Variants in VDAC1 observed in about 807,000 individuals in gnomAD.
The protein encoded by VDAC1 is non-selective voltage-gated ion channel VDAC1.
VDAC1 carries 10 observed loss-of-function variants against 34.7 expected under a neutral mutation model. The ratio of observed to expected loss-of-function variants is 0.29; its 90% CI spans 0.18 to 0.49. The LOEUF is 0.49. Ranked by LOEUF, VDAC1 falls within the 20% of genes least tolerant of loss-of-function variation. VDAC1 has a pLI of 0.99. For synonymous variants in VDAC1, 130 were observed against 136.0 expected, an observed-to-expected ratio of 0.96 and a Z score of 0.30; for missense variants, 230 against 347.9, an observed-to-expected ratio of 0.66 and a Z score of 2.69.
At chr5:134,060,128 A>C in the VDAC1 span, among the ~76,000 whole-genome samples, 1 of 151,902 alleles carries the variant, frequency 6.6e-6, no homozygotes, top group Non-Finnish European at 1.5e-5. Context: ...TAATGAGCAC[A>C]TGTTGGGCAC....
the VDAC1 span, among the ~76,000 whole-genome samples, chr5:134,102,676 T>G: frequency 2.6e-5 from 4 of 152,090 alleles, no homozygotes; most frequent in Non-Finnish European, 4.4e-5. Flanking sequence ...CTCAAAAAAA[T>G]AAAATAAAAT....
At chr5:134,062,529 C>T in the VDAC1 span, among the ~76,000 whole-genome samples, 1 of 151,528 alleles carries the variant, frequency 6.6e-6, no homozygotes, top group Non-Finnish European at 1.5e-5. Context: ...CTCATATTGC[C>T]CTTGACCAAA....
At chr5:134,033,432 A>T in the VDAC1 span, among the ~76,000 whole-genome samples, 1 of 151,772 alleles carries the variant, frequency 6.6e-6, no homozygotes, top group African/African-American at 2.4e-5. Flanking sequence ...CTGGGATTAC[A>T]GGCATGAGCC....
intron 6 of VDAC1, among the ~76,000 whole-genome samples, chr5:133,976,937 G>T (rs947657570): frequency 2.0e-5 from 3 of 152,020 alleles, no homozygotes; most frequent in Non-Finnish European, 4.4e-5. Context: ...CCAGCAACCT[G>T]GGGGGGTGAG....
chr5:134,076,600 C>T, the VDAC1 span, among the ~76,000 whole-genome samples: 1 of 152,188 alleles, frequency 6.6e-6, no homozygotes, highest in Non-Finnish European at 1.5e-5. Flanking sequence ...GTGGTGTGTG[C>T]AAGGGACTCC....
At chr5:134,026,516 GAAAAAAAA>G in the VDAC1 span, among the ~76,000 whole-genome samples, 5 of 72,334 alleles carry the variant, frequency 6.9e-5, no homozygotes, top group Non-Finnish European at 1.3e-4. Flanking sequence ...CTCCGTCTCA[GAAAAAAAA>G]AAAAAAAAAA....
the VDAC1 span, among the ~76,000 whole-genome samples, chr5:134,065,817 G>A: frequency 4.2e-5 from 4 of 95,598 alleles, no homozygotes; most frequent in East Asian, 3.2e-4. Context: ...TTTTTGAGAC[G>A]GGGTTTCACT....
At chr5:134,099,655 G>T in the VDAC1 span, among the ~76,000 whole-genome samples, 1 of 152,134 alleles carries the variant, frequency 6.6e-6, no homozygotes, top group African/African-American at 2.4e-5. Context: ...ATCACAACAC[G>T]CAGCAGCGTT....
chr5:134,034,431 T>C, the VDAC1 span, among the ~76,000 whole-genome samples: 3 of 152,018 alleles, frequency 2.0e-5, no homozygotes, highest in Admixed American at 6.6e-5. Flanking sequence ...CAGTGTTCTC[T>C]GGAGAGAAAG....
At chr5:134,032,334 ATG>A in the VDAC1 span, among the ~76,000 whole-genome samples, 2 of 152,178 alleles carry the variant, frequency 1.3e-5, no homozygotes, top group South Asian at 4.2e-4. Flanking sequence ...AAGACAATGA[ATG>A]TGTGTGGTTT....
In VDAC1 at chr5:133,992,927, C is replaced by A. The variant is rs1580724462; in HGVS notation, c.67+19G>T. On this transcript the variant is annotated intron_variant, in intron 2 of 8. Coordinates refer to ENST00000265333, the MANE Select transcript of VDAC1 (RefSeq NM_003374.3). ...CTCAGTCTGTGAGCTGAAAGGCACCCCCTCTCTGCAACACTCACCATAGCC... is the reference window on the plus strand; with the variant it reads ...CTCAGTCTGTGAGCTGAAAGGCACCACCTCTCTGCAACACTCACCATAGCC... The A allele has an allele frequency of 1.2e-6, 2 of 1,607,906 alleles. No individual in the cohort carries two copies. Among genetic ancestry groups the A allele is most frequent in the Admixed American group, 3.4e-5 (2 of 59,348 alleles).
the VDAC1 span, among the ~76,000 whole-genome samples, chr5:134,065,153 T>C: frequency 2.0e-5 from 3 of 152,092 alleles, no homozygotes; most frequent in African/African-American, 7.2e-5. Context: ...CTTTAAAGGA[T>C]ATAAATTTCT....
At chr5:133,972,968 G>C (rs1161406392) in intron 8 of VDAC1, 106 bp from the exon 9 acceptor site, 11 of 892,470 alleles carry the variant, frequency 1.2e-5, no homozygotes, top group African/African-American at 5.0e-5. Context: ...TTATCAGCAG[G>C]GTCCAAACTA....
the VDAC1 span, among the ~76,000 whole-genome samples, chr5:134,099,534 C>T: frequency 6.6e-6 from 1 of 152,156 alleles, no homozygotes; most frequent in Non-Finnish European, 1.5e-5. Context: ...ACATGCTGCA[C>T]GGCCTCCTGG....
the VDAC1 span, among the ~76,000 whole-genome samples, chr5:134,087,373 G>T: frequency 1.3e-5 from 2 of 152,066 alleles, no homozygotes; most frequent in Non-Finnish European, 2.9e-5. Context: ...GTGCTGGGGA[G>T]ACTCATCTAC....
chr5:134,038,444 C>T, the VDAC1 span, among the ~76,000 whole-genome samples: 1 of 152,124 alleles, frequency 6.6e-6, no homozygotes, highest in African/African-American at 2.4e-5. Context: ...GAAAGGAAGG[C>T]AGAGGCAGAG....
At chr5:133,984,396 T>C (rs1752823748) in intron 5 of VDAC1, among the ~76,000 whole-genome samples, 1 of 141,752 alleles carries the variant, frequency 7.1e-6, no homozygotes, top group African/African-American at 2.7e-5. Context: ...GACAAGACTA[T>C]AGGCGCTCAC....
In VDAC1 at chr5:133,980,898, C is replaced by T; in HGVS notation, c.382G>A (p.Asp128Asn). Residue 128 changes from aspartate (D) to asparagine (N), a missense_variant, in exon 6 of 9, where the codon GAC (aspartate) becomes AAC (asparagine). Transcript: ENST00000265333. ...YKREHINLGC[D>N]MDFDIAGPSI... ...GGCCCAGCAATGTCGAAATCCATGTCGCAGCCCAGGTTAATGTGCTCCCGC... is the reference window on the plus strand; with the variant it reads ...GGCCCAGCAATGTCGAAATCCATGTTGCAGCCCAGGTTAATGTGCTCCCGC... 6.2e-7 allele frequency: 1 copy of T among 1,614,012 alleles called. No homozygotes were observed.
chr5:134,054,293 C>T, the VDAC1 span, among the ~76,000 whole-genome samples: 1 of 152,094 alleles, frequency 6.6e-6, no homozygotes, highest in Non-Finnish European at 1.5e-5. Flanking sequence ...GATGAATCTC[C>T]AGCAGGCAGG....
Sources: allele counts gnomAD v4.1 joint callset (sites outside exome capture counted in the v4.1 genomes callset), GRCh38; gene constraint gnomAD v4.1.1; transcripts MANE v1.5; gene names NCBI Gene and HGNC (gene_info 2026-07-23, HGNC 2026-07-21).